CDH1: variants seen among roughly 807,000 people sequenced by gnomAD.
CDH1 encodes the protein cadherin 1, also known as cadherin-1.
In CDH1, 35 loss-of-function variants were observed where a neutral mutation model predicts 84.5. The observed-to-expected ratio is 0.41, with a 90% confidence interval of 0.32 to 0.55. The LOEUF is 0.55. CDH1 is among the 20% of genes least tolerant of loss of function. The probability of loss-of-function intolerance (pLI) is 0.19; values close to 1 mark genes in which losing one functional copy is unlikely to be tolerated. For missense variants in CDH1, 994 were observed against 1,126.6 expected (o/e 0.88, Z 1.68); for synonymous variants, 417 against 439.0 (o/e 0.95, Z 0.63).
chr16:68,737,315 C>T lies in CDH1; in HGVS notation c.-101C>T, dbSNP rs1962416981. On this transcript the variant is annotated 5_prime_UTR_variant, in exon 1 of 16. Coordinates refer to ENST00000261769, the MANE Select transcript of CDH1 (RefSeq NM_004360.5). The stretch of plus-strand genomic sequence containing the variant: ...TCAGTGGCGTCGGAACTGCAAAGCA[C>T]CTGTGAGCTTGCGGAAGTCAGTTCA... The T allele has an allele frequency of 1.0e-6, 1 of 997,434 alleles. No individual in the cohort carries two copies. The highest frequency in any genetic ancestry group is 2.3e-5 in the Admixed American group (1 of 43,682). 61.8% of individuals were successfully genotyped at this position (997,434 alleles called of 1,614,324 possible).
At position 68,808,456 on chromosome 16, in the gene CDH1, C is replaced by G. The variant is rs763562818; in HGVS notation, c.420C>G (p.Leu140=). ...TTTCTGGAATCCAAGCAGAATTGCT[C>G]ACATTTCCCAACTCCTCTCCTGGCC... ...ASVSGIQAEL[L]TFPNSSPGLR... Residue 140 remains leucine, a synonymous_variant, in exon 4 of 16, where the codon CTC becomes CTG. Transcript: ENST00000261769. The G allele has an allele frequency of 2.1e-5, 34 of 1,614,136 alleles. No individual in the cohort carries two copies. The highest frequency in any genetic ancestry group is 2.9e-5 in the Non-Finnish European group (34 of 1,179,990).
chr16:68,817,049 G>C (rs540004626), intron 10 of CDH1, among the ~76,000 whole-genome samples: 1 of 152,160 alleles, frequency 6.6e-6, no homozygotes, highest in African/African-American at 2.4e-5. Flanking sequence ...AGGCCCTTAC[G>C]CCTGGAACAA....
intron 2 of CDH1, among the ~76,000 whole-genome samples, chr16:68,769,685 T>C (rs944984852): frequency 6.6e-6 from 1 of 151,472 alleles, no homozygotes; most frequent in Non-Finnish European, 1.5e-5. Flanking sequence ...CCCAGCACTT[T>C]GGGAGGCCAA....
chr16:68,758,234 T>TGAGA (rs1555511444), intron 2 of CDH1, among the ~76,000 whole-genome samples: 10 of 116,922 alleles, frequency 8.6e-5, no homozygotes, highest in African/African-American at 1.3e-4. Flanking sequence ...TTTTTTTTTT[T>TGAGA]GAGAGAGAGA....
At chr16:68,742,151 T>G (rs1337406719) in intron 2 of CDH1, among the ~76,000 whole-genome samples, 2 of 152,218 alleles carry the variant, frequency 1.3e-5, no homozygotes, top group Non-Finnish European at 2.9e-5. Flanking sequence ...GATTGTTTTC[T>G]TCCTTTGCTT....
At chr16:68,780,634 T>C (rs1026638561) in intron 2 of CDH1, among the ~76,000 whole-genome samples, 2 of 152,176 alleles carry the variant, frequency 1.3e-5, no homozygotes, top group Non-Finnish European at 2.9e-5. Context: ...CCTTATTGTA[T>C]GTTTTTGGCT....
chr16:68,803,474 G>T (rs1176407805), intron 3 of CDH1, among the ~76,000 whole-genome samples: 1 of 151,940 alleles, frequency 6.6e-6, no homozygotes, highest in African/African-American at 2.4e-5. Context: ...TTCGGCTCAC[G>T]GCAACGTCTG....
intron 2 of CDH1, among the ~76,000 whole-genome samples, chr16:68,797,971 C>T (rs1025246669): frequency 3.3e-5 from 5 of 151,920 alleles, no homozygotes; most frequent in Non-Finnish European, 7.4e-5. Flanking sequence ...CCCCGCTACT[C>T]GGGAGGCTGA....
chr16:68,803,698 AG>A (rs1216715921), intron 3 of CDH1, among the ~76,000 whole-genome samples: 1 of 152,140 alleles, frequency 6.6e-6, no homozygotes, highest in Admixed American at 6.5e-5. Flanking sequence ...GCCCGGCTGC[AG>A]GGACAGTTTT....
At chr16:68,822,291 C>G in intron 12 of CDH1, 66 bp downstream of exon 12, 1 of 1,065,810 alleles carries the variant, frequency 9.4e-7, no homozygotes, top group South Asian at 1.3e-5. Flanking sequence ...CCCCAGATCC[C>G]CACCTTTCAA....
At chr16:68,820,574 A>T (rs1275777818) in intron 11 of CDH1, among the ~76,000 whole-genome samples, 3 of 151,546 alleles carry the variant, frequency 2.0e-5, no homozygotes, top group Non-Finnish European at 1.5e-5. Context: ...CTGGTCTTGA[A>T]CTCCTGACCT....
intron 2 of CDH1, among the ~76,000 whole-genome samples, chr16:68,787,769 C>T (rs1284690605): frequency 6.6e-6 from 1 of 152,004 alleles, no homozygotes; most frequent in South Asian, 2.1e-4. Context: ...AGCAGTTCTC[C>T]CACTTCAGCC....
chr16:68,738,425 G>T lies in CDH1; in HGVS notation c.163+14G>T, dbSNP rs1057521411. ...TCCTGGGCAGAGGTGAGGGCGCGCT[G>T]CCGGTGTCCCTGGGCGGAGTAGGGA... On this transcript the variant is annotated intron_variant, in intron 2 of 15. Coordinates refer to ENST00000261769, the MANE Select transcript of CDH1 (RefSeq NM_004360.5). 1 of 1,521,864 alleles carries T rather than the reference G, an allele frequency of 6.6e-7. No homozygotes were observed. Among genetic ancestry groups the T allele is most frequent in the Non-Finnish European group, 8.9e-7 (1 of 1,121,988 alleles). 94.3% of individuals were successfully genotyped at this position (1,521,864 alleles called of 1,614,324 possible).
intron 13 of CDH1, 51 bp downstream of exon 13, chr16:68,823,677 G>A (rs762573158): frequency 8.2e-7 from 1 of 1,226,430 alleles, no homozygotes; most frequent in Non-Finnish European, 1.2e-6. Flanking sequence ...AAATGGAGGA[G>A]GTTTATTTCC....
chr16:68,761,472 G>A (rs1387181180), intron 2 of CDH1, among the ~76,000 whole-genome samples: 2 of 152,220 alleles, frequency 1.3e-5, no homozygotes, highest in African/African-American at 2.4e-5. Context: ...GCTGTTATGC[G>A]CCAAGCACTG....
At chr16:68,800,521 C>A (rs1025909713) in intron 2 of CDH1, among the ~76,000 whole-genome samples, 1 of 152,192 alleles carries the variant, frequency 6.6e-6, no homozygotes, top group Non-Finnish European at 1.5e-5. Context: ...CTGGCAGAAA[C>A]CTGATCCTCC....
chr16:68,813,556 T>TC (rs768365828), intron 9 of CDH1, 61 bp downstream of exon 9: 4 of 1,496,116 alleles, frequency 2.7e-6, no homozygotes, highest in Non-Finnish European at 3.7e-6. Context: ...CATACCCTTG[T>TC]CCCCTGGTAT....
At chr16:68,747,679 T>C (rs902925610) in intron 2 of CDH1, among the ~76,000 whole-genome samples, 7 of 152,130 alleles carry the variant, frequency 4.6e-5, no homozygotes, top group Non-Finnish European at 8.8e-5. Flanking sequence ...CATATGATCC[T>C]TTTACACAAA....
chr16:68,748,582 C>T (rs552135166), intron 2 of CDH1, among the ~76,000 whole-genome samples: 1 of 152,324 alleles, frequency 6.6e-6, no homozygotes, highest in Admixed American at 6.5e-5. Context: ...GACAGTATTT[C>T]AGACAGTAAC....
Sources: allele counts gnomAD v4.1 joint callset (sites outside exome capture counted in the v4.1 genomes callset), GRCh38; gene constraint gnomAD v4.1.1; transcripts MANE v1.5; gene names NCBI Gene and HGNC (gene_info 2026-07-23, HGNC 2026-07-21).